Variants in ANK2 observed in about 807,000 individuals in gnomAD.
ANK2 encodes ankyrin 2, also known as ankyrin-2.
ANK2 carries 83 observed loss-of-function variants against 360.5 expected under a neutral mutation model. The observed-to-expected ratio is 0.23, with a 90% CI of 0.19 to 0.28. ANK2 has a LOEUF of 0.28. Ranked by LOEUF, ANK2 falls within the 10% of genes least tolerant of loss-of-function variation. The pLI, the probability that ANK2 is intolerant of heterozygous loss-of-function variation, is 1.00. For missense variants in ANK2, 4,201 were observed against 4,795.7 expected, an observed-to-expected ratio of 0.88 and a Z score of 3.66; for synonymous variants, 1,740 against 1,759.5, an observed-to-expected ratio of 0.99 and a Z score of 0.28.
chr4:112,784,175 A>G, the ANK2 span, among the ~76,000 whole-genome samples: 1 of 152,002 alleles, frequency 6.6e-6, no homozygotes, highest in South Asian at 2.1e-4. Context: ...TTAAAAGCAT[A>G]AACTCCTATA....
In ANK2 at chr4:112,958,199, C is replaced by T. The variant is rs552592132; in HGVS notation, c.21+53685C>T. On this transcript the variant is annotated intron_variant, in intron 2 of 30. Transcript: ENST00000503271. ...CTCACTTCCCAGACGGGGTGGCGGC[C>T]GGGCAGAGGCTGCAATCTCGGCACT... Among the ~76,000 whole-genome samples, 13 of 152,066 alleles carry T rather than the reference C, an allele frequency of 8.5e-5. No individual in the cohort carries two copies. In the East Asian group the frequency reaches 2.3e-3, roughly 27 times the overall value.
intron 2 of ANK2, among the ~76,000 whole-genome samples, chr4:112,957,691 G>C: frequency 6.7e-6 from 1 of 150,034 alleles, no homozygotes; most frequent in East Asian, 2.0e-4. Flanking sequence ...CTGGGCGGGG[G>C]GCTGACCCCC....
At chr4:113,246,617 A>G (rs1437138452) in intron 9 of ANK2, among the ~76,000 whole-genome samples, 1 of 152,212 alleles carries the variant, frequency 6.6e-6, no homozygotes. Flanking sequence ...TAAAATATTA[A>G]AAAACATATT....
At chr4:112,818,981 T>TTTTG (rs1270706513) in intron 1 of ANK2, among the ~76,000 whole-genome samples, 174 of 152,278 alleles carry the variant, frequency 1.1e-3, no homozygotes, top group African/African-American at 4.0e-3. Flanking sequence ...AGCAGTGTTT[T>TTTTG]TTTGTTTGTT....
chr4:113,001,257 G>A (rs61489606), intron 2 of ANK2, among the ~76,000 whole-genome samples: 23,735 of 150,058 alleles, frequency 0.16, 2,269 homozygotes, highest in East Asian at 0.38. Context: ...CTTGAACCTG[G>A]GAGGCGGAGG....
At position 113,241,630 on chromosome 4, in the gene ANK2, A is replaced by G. The variant is rs1220098770; in HGVS notation, c.793-481A>G. 2.0e-5 allele frequency among the ~76,000 whole-genome samples: 3 copies of G among 152,196 alleles called. No homozygotes were observed. In the East Asian group the frequency reaches 5.8e-4, roughly 29 times the overall value. On this transcript the variant is annotated intron_variant, in intron 8 of 45. Transcript: ENST00000357077. ...GCTGGAATTACAGACATGAGCCACC[A>G]TGCCCAACTTGAAGGAGATGTTTTT...
At chr4:113,151,071 C>T in intron 1 of ANK2, 1 of 1,285,056 alleles carries the variant, frequency 7.8e-7, no homozygotes, top group South Asian at 1.3e-5. Flanking sequence ...GGGAATTTTC[C>T]CACTACAGGT....
At chr4:113,190,165 A>G (rs546128710) in intron 2 of ANK2, among the ~76,000 whole-genome samples, 1 of 151,848 alleles carries the variant, frequency 6.6e-6, no homozygotes, top group East Asian at 1.9e-4. Context: ...TTATCTATTT[A>G]TTTACTTATT....
intron 1 of ANK2, among the ~76,000 whole-genome samples, chr4:112,880,062 A>ACT (rs34333706): frequency 0.2 from 30,391 of 148,308 alleles, 3,078 homozygotes; most frequent in Non-Finnish European, 0.22. Flanking sequence ...ACACACACAC[A>ACT]CTCTCTCTCT....
At chr4:113,239,060 T>G (rs1328105965) in intron 7 of ANK2, among the ~76,000 whole-genome samples, 1 of 152,148 alleles carries the variant, frequency 6.6e-6, no homozygotes, top group African/African-American at 2.4e-5. Flanking sequence ...TGAAATAAAT[T>G]TAGTCAATTA....
At chr4:113,012,273 T>C (rs892329150) in intron 2 of ANK2, among the ~76,000 whole-genome samples, 2 of 152,180 alleles carry the variant, frequency 1.3e-5, no homozygotes, top group African/African-American at 4.8e-5. Flanking sequence ...ATGGGCCATG[T>C]TGACAGATTT....
intron 32 of ANK2, among the ~76,000 whole-genome samples, chr4:113,340,510 T>G (rs938155466): frequency 6.6e-6 from 1 of 152,070 alleles, no homozygotes; most frequent in African/African-American, 2.4e-5. Context: ...TTGGGCAACA[T>G]GGTGAAACCC....
chr4:113,249,163 G>T (rs954498589), intron 9 of ANK2, among the ~76,000 whole-genome samples: 5 of 152,184 alleles, frequency 3.3e-5, no homozygotes, highest in Non-Finnish European at 5.9e-5. Flanking sequence ...AAGCAATTAT[G>T]TGATTTCTAA....
At position 112,975,036 on chromosome 4, in the gene ANK2, G is replaced by C. The variant is rs906321312; in HGVS notation, c.21+70522G>C. Among the ~76,000 whole-genome samples the C allele has an allele frequency of 3.3e-5, 5 of 152,210 alleles. 1 individual carries two copies. Among genetic ancestry groups the C allele is most frequent in the Admixed American group, 6.5e-5 (1 of 15,288 alleles). ...AAAACATTTGCTAAAAAATAAATCTGTATTAGAACTGTTACCCACTCTCAG... is the reference window on the plus strand; with the variant it reads ...AAAACATTTGCTAAAAAATAAATCTCTATTAGAACTGTTACCCACTCTCAG... On this transcript the variant is annotated intron_variant, in intron 2 of 30. Transcript: ENST00000503271.
At chr4:113,338,133 A>G (rs2093789153) in intron 31 of ANK2, among the ~76,000 whole-genome samples, 3 of 152,218 alleles carry the variant, frequency 2.0e-5, no homozygotes, top group Admixed American at 1.3e-4. Context: ...TCATGTAGTT[A>G]TGCTGAGTAT....
intron 10 of ANK2, among the ~76,000 whole-genome samples, chr4:113,252,076 G>A (rs1057240778): frequency 6.6e-6 from 1 of 152,126 alleles, no homozygotes; most frequent in Non-Finnish European, 1.5e-5. Flanking sequence ...ACCTGAGGAG[G>A]AACTCACAGT....
At chr4:112,834,146 A>T (rs987499918) in intron 1 of ANK2, among the ~76,000 whole-genome samples, 1 of 152,220 alleles carries the variant, frequency 6.6e-6, no homozygotes, top group African/African-American at 2.4e-5. Context: ...AGAACGTATA[A>T]TGGACCCCCA....
intron 1 of ANK2, among the ~76,000 whole-genome samples, chr4:113,149,829 A>G (rs2096970297): frequency 7.6e-6 from 1 of 132,430 alleles, no homozygotes; most frequent in Non-Finnish European, 1.6e-5. Flanking sequence ...GTGAACTTTG[A>G]TCGTACCACT....
chr4:112,747,555 A>T, the ANK2 span, among the ~76,000 whole-genome samples: 3 of 152,198 alleles, frequency 2.0e-5, no homozygotes, highest in Non-Finnish European at 4.4e-5. Flanking sequence ...AAAGGAAGAG[A>T]AAAGTTTTAT....
Sources: gnomAD v4.1 joint callset for allele counts (sites outside exome capture counted in the v4.1 genomes callset) on GRCh38, gnomAD v4.1.1 for gene constraint, MANE v1.5 for transcripts, NCBI Gene and HGNC (gene_info 2026-07-23, HGNC 2026-07-21) for gene names.